The following PCDHA2 variants were observed in gnomAD, a reference collection of about 807,000 sequenced individuals.
PCDHA2 encodes protocadherin alpha 2.
A neutral mutation model predicts 66.0 loss-of-function variants in PCDHA2; 58 were observed. The observed-to-expected ratio is 0.88, with a 90% CI of 0.71 to 1.09. The LOEUF (loss-of-function observed/expected upper bound fraction) is 1.09. PCDHA2 is among the 50% of genes least tolerant of loss of function. The pLI, the probability that PCDHA2 is intolerant of heterozygous loss-of-function variation, is 0.00. For missense variants in PCDHA2, 1,267 were observed against 1,242.3 expected (o/e 1.02, Z -0.30); for synonymous variants, 634 against 554.0 (o/e 1.14, Z -2.03).
chr5:140,968,127 C>T (rs1217974732), intron 1 of PCDHA2: 7 of 1,614,064 alleles, frequency 4.3e-6, no homozygotes, highest in Non-Finnish European at 5.9e-6. Context: ...TCCCTGCGTA[C>T]ACTGAAGGTT....
At chr5:140,868,764 T>G (rs1202050223) in intron 1 of PCDHA2, 2 of 238,724 alleles carry the variant, frequency 8.4e-6, no homozygotes, top group Non-Finnish European at 1.6e-5. Flanking sequence ...ATATATTTAG[T>G]TTCAATATGA....
rs184822768 is a variant in PCDHA2 at position 140,847,338 on chromosome 5, C to A, written c.2388+49986C>A. 45 of 149,900 alleles carry A rather than the reference C, an allele frequency of 3.0e-4. 3 individuals carry two copies. In the Admixed American group the frequency reaches 3.0e-3, roughly 10 times the overall value. The allele number at this position is 149,900 out of a possible 1,614,324, so 9.3% of individuals were successfully genotyped here. On this transcript the variant is annotated intron_variant, in intron 1 of 3. Transcript: ENST00000526136. ...ACAGAAGCAATTGTTAAATGCACCT[C>A]TTAGGCTGTTATCAGTAGAAATACG... is the stretch of plus-strand genomic sequence containing the variant.
chr5:140,973,481 G>A (rs537904841), intron 1 of PCDHA2, among the ~76,000 whole-genome samples: 2 of 152,208 alleles, frequency 1.3e-5, no homozygotes, highest in East Asian at 3.9e-4. Context: ...ATTTCATATT[G>A]GTCACAGGAC....
At chr5:140,891,454 A>C (rs1562858065) in intron 1 of PCDHA2, among the ~76,000 whole-genome samples, 1 of 145,650 alleles carries the variant, frequency 6.9e-6, no homozygotes, top group East Asian at 2.1e-4. Context: ...AGGATTTTTG[A>C]ATTTGTGAAT....
chr5:140,991,635 T>C (rs1215420696), intron 3 of PCDHA2, among the ~76,000 whole-genome samples: 1 of 152,220 alleles, frequency 6.6e-6, no homozygotes, highest in East Asian at 1.9e-4. Flanking sequence ...GTAATAACAA[T>C]CTGTTCATGA....
At chr5:140,841,820 G>A in intron 1 of PCDHA2, 2 of 1,613,910 alleles carry the variant, frequency 1.2e-6, no homozygotes, top group Non-Finnish European at 1.7e-6. Context: ...AGCTAACTCC[G>A]TGTTAACCTA....
chr5:140,871,290 C>T, intron 1 of PCDHA2: 8 of 1,613,900 alleles, frequency 5.0e-6, no homozygotes, highest in African/African-American at 1.3e-5. Context: ...CCACTGAGGG[C>T]GCGTGCGCGC....
At chr5:140,976,971 C>A (rs2096740170) in intron 1 of PCDHA2, among the ~76,000 whole-genome samples, 1 of 152,138 alleles carries the variant, frequency 6.6e-6, no homozygotes, top group Non-Finnish European at 1.5e-5. Flanking sequence ...TTTCCTTTTC[C>A]CTGCCTGATC....
At chr5:141,001,522 C>G (rs1554258201) in intron 3 of PCDHA2, among the ~76,000 whole-genome samples, 1 of 152,214 alleles carries the variant, frequency 6.6e-6, no homozygotes, top group African/African-American at 2.4e-5. Context: ...TTCTCCCTCT[C>G]TCTCTGATCC....
At chr5:140,842,619 C>T (rs2150340837) in intron 1 of PCDHA2, 8 of 1,575,272 alleles carry the variant, frequency 5.1e-6, no homozygotes, top group Middle Eastern at 1.7e-4. Context: ...GGGGGCTCGC[C>T]TTCGCTGTGG....
At chr5:140,816,331 T>G (rs1325591946) in intron 1 of PCDHA2, 1 of 152,232 alleles carries the variant, frequency 6.6e-6, no homozygotes, top group Non-Finnish European at 1.5e-5. Flanking sequence ...ATTGTATTCT[T>G]CAGTTCCAAA....
rs782070624 is a variant in PCDHA2, at chr5:140,795,748, G to T, written c.784G>T (p.Val262Phe). 5 of 1,614,036 alleles carry T rather than the reference G, an allele frequency of 3.1e-6. No homozygotes were observed. In the Admixed American group the frequency reaches 6.7e-5, roughly 22 times the overall value. Residue 262 changes from valine (V) to phenylalanine (F), a missense_variant, in exon 1 of 4, where the codon GTT becomes TTT. Transcript: ENST00000526136. ...GAATACGGCAAATGGGACCTTAGTG[G>T]TTAAGTTAAACGCTTCTGATGCAGA... ...LENTANGTLVVKLNASDADEG... is the reference protein window; with the variant it reads ...LENTANGTLVFKLNASDADEG...
chr5:140,903,859 T>C (rs2070674942), intron 1 of PCDHA2, among the ~76,000 whole-genome samples: 1 of 152,186 alleles, frequency 6.6e-6, no homozygotes, highest in Non-Finnish European at 1.5e-5. Context: ...ACAAATAATA[T>C]AGAGTAAAAT....
chr5:141,011,750 A>T lies in PCDHA2; in HGVS notation c.*1813A>T, dbSNP rs1554263628. The T allele has an allele frequency of 6.5e-6, 1 of 153,696 alleles. No individual in the cohort carries two copies. Among genetic ancestry groups the T allele is most frequent in the Non-Finnish European group, 1.5e-5 (1 of 68,036 alleles). 9.5% of individuals were successfully genotyped at this position (153,696 alleles called of 1,614,324 possible). A position where few individuals can be genotyped will look rare whatever the true frequency, so the allele number is the denominator to read the frequency against. On this transcript the variant is annotated 3_prime_UTR_variant, in exon 4 of 4. Transcript: ENST00000526136. ...TGCAAGCACAAATTTTACCAATCTG[A>T]CCTCTTTGAAGTTGCAGAATGCTTT... is the stretch of plus-strand genomic sequence containing the variant.
chr5:140,807,789 A>T, intron 1 of PCDHA2: 1 of 1,614,162 alleles, frequency 6.2e-7, no homozygotes, highest in Non-Finnish European at 8.5e-7. Flanking sequence ...AAATCTTTAG[A>T]CAGAGAAGAA....
chr5:140,807,863 G>A (rs529221273), intron 1 of PCDHA2: 5 of 1,614,064 alleles, frequency 3.1e-6, no homozygotes, highest in Admixed American at 1.7e-5. Context: ...GACTGGCACC[G>A]TTCAGTTACT....
chr5:140,852,181 G>A, intron 1 of PCDHA2: 3 of 755,216 alleles, frequency 4.0e-6, no homozygotes, highest in Non-Finnish European at 5.0e-6. Flanking sequence ...AAATAACTAT[G>A]AAAATGCCAG....
At chr5:140,808,104 G>C in intron 1 of PCDHA2, 1 of 1,613,884 alleles carries the variant, frequency 6.2e-7, no homozygotes, top group Non-Finnish European at 8.5e-7. Flanking sequence ...ATTGTAAAGG[G>C]ATATATTGAC....
rs1038789772 is a variant in PCDHA2, at chr5:140,894,031, G to C, written c.2389-84918G>C. On this transcript the variant is annotated intron_variant, in intron 1 of 3. Transcript: ENST00000526136. ...TTCAAATTACCAGTTCTGCATACTG[G>C]TAATGTAAGTCCTCTGTTGAATTGA... Among the ~76,000 whole-genome samples, 3 of 152,204 alleles carry C rather than the reference G, an allele frequency of 2.0e-5. No homozygotes were observed. In the South Asian group the frequency reaches 6.2e-4, roughly 32 times the overall value.
Sources: gnomAD v4.1 joint callset for allele counts (sites outside exome capture counted in the v4.1 genomes callset) on GRCh38, gnomAD v4.1.1 for gene constraint, MANE v1.5 for transcripts, NCBI Gene and HGNC (gene_info 2026-07-23, HGNC 2026-07-21) for gene names.